NDE1: variants seen among roughly 807,000 people sequenced by gnomAD.
The protein encoded by NDE1 is nudE neurodevelopment protein 1.
Under a neutral mutation model 43.4 loss-of-function variants are expected in NDE1, and 28 were observed. That is an observed-to-expected ratio of 0.65 (90% CI 0.48 to 0.89). The LOEUF (loss-of-function observed/expected upper bound fraction) is 0.89, where lower values mean the gene tolerates loss of function less well. NDE1 is among the 40% of genes least tolerant of loss of function. The probability of loss-of-function intolerance (pLI) is 0.00; values close to 1 mark genes in which losing one functional copy is unlikely to be tolerated. For missense variants in NDE1, 441 were observed against 434.1 expected (o/e 1.02, Z -0.14); for synonymous variants, 184 against 172.0 (o/e 1.07, Z -0.55).
intron 3 of NDE1, among the ~76,000 whole-genome samples, chr16:15,676,912 A>G (rs2037912080): frequency 6.6e-6 from 1 of 152,112 alleles, no homozygotes; most frequent in South Asian, 2.1e-4. Context: ...GATATGTGTG[A>G]AGGAGGCCCA....
At chr16:15,652,904 G>A (rs1018623564) in intron 1 of NDE1, among the ~76,000 whole-genome samples, 3 of 152,050 alleles carry the variant, frequency 2.0e-5, no homozygotes, top group South Asian at 2.1e-4. Flanking sequence ...GGGTTCAAGC[G>A]ATCCTTCCGC....
At chr16:15,713,280 A>C (rs12324990) in intron 8 of NDE1, 13,449 of 151,506 alleles carry the variant, frequency 0.089, 1,154 homozygotes, top group African/African-American at 0.22. Context: ...ACAGAGGTGC[A>C]CGGAGGTAGG....
At chr16:15,719,975 C>T (rs1404374606) in intron 8 of NDE1, among the ~76,000 whole-genome samples, 1 of 152,134 alleles carries the variant, frequency 6.6e-6, no homozygotes. Flanking sequence ...TAATGCTGCC[C>T]TACCCAGGGC....
chr16:15,677,574 A>G (rs1458453273), intron 3 of NDE1, among the ~76,000 whole-genome samples: 1 of 151,076 alleles, frequency 6.6e-6, no homozygotes, highest in Non-Finnish European at 1.5e-5. Context: ...CAACAGAGTG[A>G]GACTCGGCCT....
At chr16:15,719,491 CGAAAT>C (rs899671125) in intron 8 of NDE1, 153 of 1,589,152 alleles carry the variant, frequency 9.6e-5, no homozygotes, top group Non-Finnish European at 1.2e-4. Context: ...CAGAGGAGGA[CGAAAT>C]GAAATCTGGG....
At chr16:15,714,837 A>G (rs2040026768) in intron 8 of NDE1, 1 of 1,589,432 alleles carries the variant, frequency 6.3e-7, no homozygotes, top group Non-Finnish European at 8.6e-7. Context: ...TTGCAGGCCG[A>G]AAGGAGCCCG....
intron 3 of NDE1, among the ~76,000 whole-genome samples, chr16:15,675,497 C>T (rs775283359): frequency 6.7e-5 from 10 of 150,232 alleles, no homozygotes; most frequent in Non-Finnish European, 1.2e-4. Flanking sequence ...AGTGCAGCGG[C>T]GTGATCATAG....
At position 15,706,219 on chromosome 16, in the gene NDE1, C is replaced by T. The variant is rs143728194; in HGVS notation, c.947+9359C>T. Among the ~76,000 whole-genome samples the T allele has an allele frequency of 2.5e-3, 380 of 152,292 alleles. 4 individuals are homozygous for T. Among genetic ancestry groups the T allele is most frequent in the African/African-American group, 8.4e-3 (348 of 41,574 alleles). ...CTTCACAGAGAAGCTTCTGGACTTG[C>T]AGCCCTACTAGAGAACTCTCCATCC... On this transcript the variant is annotated intron_variant, in intron 8 of 8. Coordinates refer to ENST00000396354, the MANE Select transcript of NDE1 (RefSeq NM_017668.3).
At chr16:15,667,225 G>C in intron 2 of NDE1, 61 bp from the exon 3 acceptor site, 1 of 1,583,312 alleles carries the variant, frequency 6.3e-7, no homozygotes, top group Non-Finnish European at 8.7e-7. Context: ...CAGCCTGGGT[G>C]ATAGAGCGAG....
rs149010036 is a variant in NDE1 at position 15,693,677 on chromosome 16, C to T, written c.704-488C>T. ...GTTAAAGGCCAGGCATGGTGGCTCA[C>T]GCCCGTAATCCCAGCACTTTTGGAG... On this transcript the variant is annotated intron_variant, in intron 6 of 8. Coordinates refer to ENST00000396354, the MANE Select transcript of NDE1 (RefSeq NM_017668.3). Among the ~76,000 whole-genome samples the T allele has an allele frequency of 3.5e-3, 533 of 152,168 alleles. 2 individuals carry two copies. The highest frequency in any genetic ancestry group is 0.012 in the African/African-American group (504 of 41,516).
At chr16:15,699,793 G>C (rs760751759) in intron 8 of NDE1, 2 of 1,351,568 alleles carry the variant, frequency 1.5e-6, no homozygotes, top group East Asian at 9.1e-5. Flanking sequence ...GCTGCCGTCA[G>C]CCCAGGGGGT....
chr16:15,712,936 C>T (rs1416294098), intron 8 of NDE1: 3 of 143,518 alleles, frequency 2.1e-5, no homozygotes, highest in African/African-American at 8.1e-5. Context: ...GGACTGCAAC[C>T]TCTCTCTCCC....
rs998621381 is a variant in NDE1, at chr16:15,665,059, CTT to C, written c.83+209_83+210del. On this transcript the variant is annotated intron_variant, in intron 2 of 8. Coordinates refer to ENST00000396354, the MANE Select transcript of NDE1 (RefSeq NM_017668.3). ...TATAGGTGTGCTTCATCAGGCCAGGCTTTTTTTTTTTTGGCGGAAACAGGGGT... is the reference window on the plus strand; with the variant it reads ...TATAGGTGTGCTTCATCAGGCCAGGCTTTTTTTTTTGGCGGAAACAGGGGT... Among the ~76,000 whole-genome samples the C allele has an allele frequency of 4.3e-3, 604 of 141,886 alleles. 2 individuals are homozygous for C. Among genetic ancestry groups the C allele is most frequent in the Non-Finnish European group, 7.2e-3 (463 of 64,510 alleles). The allele number at this position is 141,886 out of a possible 152,430, so 93.1% of individuals were successfully genotyped here.
At position 15,724,920 on chromosome 16, in the gene NDE1, C is replaced by T. The variant is rs1483548054; in HGVS notation, c.*669C>T. Reference sequence around the variant, plus strand: ...TCCTGGAGCTGGGAACTGAGGGACGCCACGTCCTTGGCCAGCTTAATGGCC... The same window carrying T: ...TCCTGGAGCTGGGAACTGAGGGACGTCACGTCCTTGGCCAGCTTAATGGCC... On this transcript the variant is annotated 3_prime_UTR_variant, in exon 9 of 9. Coordinates refer to ENST00000396354, the MANE Select transcript of NDE1 (RefSeq NM_017668.3). 5 of 1,614,016 alleles carry T rather than the reference C, an allele frequency of 3.1e-6. No homozygotes were observed. In the Admixed American group the frequency reaches 5.0e-5, roughly 16 times the overall value.
At chr16:15,644,640 C>A (rs1161592110) in intron 1 of NDE1, among the ~76,000 whole-genome samples, 3 of 152,112 alleles carry the variant, frequency 2.0e-5, no homozygotes, top group African/African-American at 7.2e-5. Flanking sequence ...AGAAAAAAAT[C>A]TTCATTATGT....
intron 8 of NDE1, chr16:15,721,106 T>A: frequency 1.3e-6 from 2 of 1,589,254 alleles, no homozygotes; most frequent in Non-Finnish European, 8.6e-7. Flanking sequence ...TGAAGACGAT[T>A]GAGAAACCCA....
At chr16:15,700,226 A>G in intron 8 of NDE1, 1 of 530,718 alleles carries the variant, frequency 1.9e-6, no homozygotes, top group Non-Finnish European at 2.4e-6. Flanking sequence ...TCTTCCAGGT[A>G]GCTGGGATTA....
chr16:15,696,584 C>A, intron 7 of NDE1, 125 bp from the exon 8 acceptor site: 1 of 1,559,718 alleles, frequency 6.4e-7, no homozygotes, highest in Non-Finnish European at 8.7e-7. Context: ...TGGGGTCCCA[C>A]CTTGGAATTC....
rs1480390443 is a variant in NDE1, at chr16:15,708,852, G to T, written c.947+11992G>T. 3 of 1,607,966 alleles carry T rather than the reference G, an allele frequency of 1.9e-6. No homozygotes were observed. Among genetic ancestry groups the T allele is most frequent in the Non-Finnish European group, 2.5e-6 (3 of 1,177,010 alleles). On this transcript the variant is annotated intron_variant, in intron 8 of 8. Coordinates refer to ENST00000396354, the MANE Select transcript of NDE1 (RefSeq NM_017668.3). The stretch of plus-strand genomic sequence containing the variant: ...TGTGGGGGGGGCCCTCTGAAACAGA[G>T]AGAGAATCCCCGGAGGTTACCATCA...
Sources: allele counts gnomAD v4.1 joint callset (sites outside exome capture counted in the v4.1 genomes callset), GRCh38; gene constraint gnomAD v4.1.1; transcripts MANE v1.5; gene names NCBI Gene and HGNC (gene_info 2026-07-23, HGNC 2026-07-21).